Variants in CTAGE1 observed in about 807,000 individuals in gnomAD.
The protein encoded by CTAGE1 is cTAGE family member 2.
For missense variants in CTAGE1, 963 were observed against 855.9 expected (o/e 1.13, Z -1.56); for synonymous variants, 332 against 302.8 (o/e 1.10, Z -1.00).
rs771599949 is a variant in CTAGE1 at position 22,417,339 on chromosome 18, G to C, written c.473C>G (p.Ala158Gly). 6.2e-7 allele frequency: 1 copy of C among 1,613,940 alleles called. No individual in the cohort carries two copies. Among genetic ancestry groups the C allele is most frequent in the Non-Finnish European group, 8.5e-7 (1 of 1,179,854 alleles). ...TCTCTTGAAGGTCATTTTGGCTTCA[G>C]CTACTTGTGATTTGAGGGATTTTGA... ...DESKSLKSQV[A>G]EAKMTFKRFQ... Residue 158 changes from alanine (A) to glycine (G), a missense_variant, in exon 1 of 1, where the codon GCT becomes GGT. Transcript: ENST00000391403.
chr18:22,416,579 A>C lies in CTAGE1; in HGVS notation c.1233T>G (p.Phe411Leu), dbSNP rs201379754. The C allele has an allele frequency of 7.5e-6, 12 of 1,610,080 alleles. No individual in the cohort carries two copies. In the East Asian group the frequency reaches 2.7e-4, roughly 36 times the overall value. ...YRKRAKDLKEFEKTIHFYQKK... is the reference protein window; with the variant it reads ...YRKRAKDLKELEKTIHFYQKK... ...TTTGATAAAAATGAATAGTTTTCTC[A>C]AATTCTTTAAGATCTTTGGCTCGCT... is the stretch of plus-strand genomic sequence containing the variant. Residue 411 changes from phenylalanine to leucine, a missense_variant, in exon 1 of 1, where the codon TTT (phenylalanine) becomes TTG (leucine). Transcript: ENST00000391403.
At position 22,417,862 on chromosome 18, in the gene CTAGE1, C is replaced by A; in HGVS notation, c.-51G>T. ...CTGCGTAGCAACTCCAGGACCAGCC[C>A]CAGGTATGGCTGAGGGTTAGCCCTA... On this transcript the variant is annotated 5_prime_UTR_variant, in exon 1 of 1. Coordinates refer to ENST00000391403, the MANE Select transcript of CTAGE1 (RefSeq NM_172241.3). The A allele has an allele frequency of 6.3e-7, 1 of 1,581,870 alleles. No homozygotes were observed. Among genetic ancestry groups the A allele is most frequent in the Non-Finnish European group, 8.7e-7 (1 of 1,151,220 alleles).
At position 22,413,638 on chromosome 18, in the gene CTAGE1, T is replaced by G. The variant is rs187294777; in HGVS notation, c.*1936A>C. On this transcript the variant is annotated 3_prime_UTR_variant, in exon 1 of 1. Coordinates refer to ENST00000391403, the MANE Select transcript of CTAGE1 (RefSeq NM_172241.3). ...TATTCACTCTTTATTATTTCAACTT[T>G]CTTTTTAGTTTATTAGGTTCATGGA... is the stretch of plus-strand genomic sequence containing the variant. 2.0e-5 allele frequency: 3 copies of G among 152,362 alleles called. No homozygotes were observed. The highest frequency in any genetic ancestry group is 1.3e-4 in the Admixed American group (2 of 15,308). 9.4% of individuals were successfully genotyped at this position (152,362 alleles called of 1,614,324 possible).
chr18:22,414,103 A>T lies in CTAGE1; in HGVS notation c.*1471T>A, dbSNP rs748249309. ...AATAATACATGTCTTTTCTGATTAGAAGTTCTTCCTTGATACCTTGGATAA... is the reference window on the plus strand; with the variant it reads ...AATAATACATGTCTTTTCTGATTAGTAGTTCTTCCTTGATACCTTGGATAA... On this transcript the variant is annotated 3_prime_UTR_variant, in exon 1 of 1. Transcript: ENST00000391403. 4 of 152,208 alleles carry T rather than the reference A, an allele frequency of 2.6e-5. No individual in the cohort carries two copies. The highest frequency in any genetic ancestry group is 5.9e-5 in the Non-Finnish European group (4 of 68,054). The allele number at this position is 152,208 out of a possible 1,614,324, so 9.4% of individuals were successfully genotyped here.
In CTAGE1 at chr18:22,414,960, TA is replaced by T; in HGVS notation, c.*613del. On this transcript the variant is annotated 3_prime_UTR_variant, in exon 1 of 1. Transcript: ENST00000391403. ...CGAATACTTTCTGCTATAAATGTTTTACACTCTCAAAGTACTGAAAGAGGAT... is the reference window on the plus strand; with the variant it reads ...CGAATACTTTCTGCTATAAATGTTTTCACTCTCAAAGTACTGAAAGAGGAT... The T allele has an allele frequency of 1.6e-6, 1 of 613,000 alleles. No homozygotes were observed. Among genetic ancestry groups the T allele is most frequent in the East Asian group, 2.7e-5 (1 of 36,648 alleles). 38.0% of individuals were successfully genotyped at this position (613,000 alleles called of 1,614,324 possible).
In CTAGE1 at chr18:22,416,765, C is replaced by G; in HGVS notation, c.1047G>C (p.Gln349His). The change falls in exon 1 of 1, where the codon CAG becomes CAC. Residue 349 changes from glutamine (Q) to histidine (H), a missense_variant. Transcript: ENST00000391403. ...ATTCAGTCATTACTTTAAGTTTCTG[C>G]TGAAGCTTCTGATTCTCACTTTCAA... Reference protein sequence around the residue: ...THFESENQKLQQKLKVMTELY... With the variant: ...THFESENQKLHQKLKVMTELY... The G allele has an allele frequency of 1.2e-6, 2 of 1,612,408 alleles. No individual in the cohort carries two copies. The highest frequency in any genetic ancestry group is 1.7e-6 in the Non-Finnish European group (2 of 1,179,730).
In CTAGE1 at chr18:22,415,690, C is replaced by T. The variant is rs992707715; in HGVS notation, c.2122G>A (p.Asp708Asn). The T allele has an allele frequency of 3.7e-6, 6 of 1,613,908 alleles. No individual in the cohort carries two copies. Among genetic ancestry groups the T allele is most frequent in the Non-Finnish European group, 5.1e-6 (6 of 1,180,042 alleles). The change falls in exon 1 of 1, where the codon GAT (aspartate) becomes AAT (asparagine). Residue 708 changes from aspartate to asparagine, a missense_variant. Transcript: ENST00000391403. Reference sequence around the variant, plus strand: ...GGAGCACGTGGTGGACCTGGGACATCCCTTGGAGAAAAATAATCTGGAGAA... The same window carrying T: ...GGAGCACGTGGTGGACCTGGGACATTCCTTGGAGAAAAATAATCTGGAGAA... ...GASPDYFSPR[D>N]VPGPPRAPFA...
chr18:22,415,623 G>A lies in CTAGE1; in HGVS notation c.2189C>T (p.Pro730Leu). The A allele has an allele frequency of 6.2e-7, 1 of 1,613,890 alleles. No individual in the cohort carries two copies. The highest frequency in any genetic ancestry group is 8.5e-7 in the Non-Finnish European group (1 of 1,179,876). The change falls in exon 1 of 1, where the codon CCT becomes CTT. Residue 730 changes from proline to leucine, a missense_variant. Coordinates refer to ENST00000391403, the MANE Select transcript of CTAGE1 (RefSeq NM_172241.3). ...AAATGCAGGTCTTGGGGGACGGTAA[G>A]GAAGAAAACCTCTCGGTAAATAGAC... ...RNVYLPRGFL[P>L]YRPPRPAFFP...
At position 22,417,874 on chromosome 18, in the gene CTAGE1, G is replaced by T; in HGVS notation, c.-63C>A. Reference sequence around the variant, plus strand: ...TCCAGGACCAGCCCCAGGTATGGCTGAGGGTTAGCCCTAGGCTCCTCCGTA... The same window carrying T: ...TCCAGGACCAGCCCCAGGTATGGCTTAGGGTTAGCCCTAGGCTCCTCCGTA... On this transcript the variant is annotated 5_prime_UTR_variant, in exon 1 of 1. Transcript: ENST00000391403. 1 of 1,540,140 alleles carries T rather than the reference G, an allele frequency of 6.5e-7. No homozygotes were observed. The highest frequency in any genetic ancestry group is 9.0e-7 in the Non-Finnish European group (1 of 1,113,866).
Position 22,417,492 on chromosome 18 carries a change from A to G in CTAGE1, c.320T>C (p.Phe107Ser). 1 of 1,613,976 alleles carries G rather than the reference A, an allele frequency of 6.2e-7. No homozygotes were observed. The highest frequency in any genetic ancestry group is 8.5e-7 in the Non-Finnish European group (1 of 1,179,860). Reference sequence around the variant, plus strand: ...TATTTCATGCACAAGTTCAGAATTGAACCTGTTCAGCTTTTCGCAGGTTGC... The same window carrying G: ...TATTTCATGCACAAGTTCAGAATTGGACCTGTTCAGCTTTTCGCAGGTTGC... ...LEATCEKLNR[F>S]NSELVHEILC... Residue 107 changes from phenylalanine (F) to serine (S), a missense_variant, in exon 1 of 1, where the codon TTC becomes TCC. Phe to Ser is a radical substitution (Grantham distance 155). Coordinates refer to ENST00000391403, the MANE Select transcript of CTAGE1 (RefSeq NM_172241.3).
rs776842599 is a variant in CTAGE1 at position 22,416,708 on chromosome 18, C to T, written c.1104G>A (p.Arg368=). The change falls in exon 1 of 1, where the codon AGG becomes AGA. Residue 368 remains arginine, a synonymous_variant. Coordinates refer to ENST00000391403, the MANE Select transcript of CTAGE1 (RefSeq NM_172241.3). ...LYQENEMKLY[R]KLIVEEKCRL... ...GGCATTTTTCCTCTACTATTAATTT[C>T]CTGTAGAGTTTCATTTCATTTTCTT... 1.2e-6 allele frequency: 2 copies of T among 1,612,958 alleles called. No homozygotes were observed. Among genetic ancestry groups the T allele is most frequent in the South Asian group, 2.2e-5 (2 of 90,638 alleles).
rs1217066599 is a variant in CTAGE1 at position 22,413,816 on chromosome 18, C to T, written c.*1758G>A. 6.6e-6 allele frequency: 1 copy of T among 152,088 alleles called. No homozygotes were observed. Among genetic ancestry groups the T allele is most frequent in the Non-Finnish European group, 1.5e-5 (1 of 68,008 alleles). 9.4% of individuals were successfully genotyped at this position (152,088 alleles called of 1,614,324 possible). On this transcript the variant is annotated 3_prime_UTR_variant, in exon 1 of 1. Transcript: ENST00000391403. Reference sequence around the variant, plus strand: ...AAGTAGACACAAAGAGATGACAATACCTGTTTCATACTGAACCTAATGAAA... The same window carrying T: ...AAGTAGACACAAAGAGATGACAATATCTGTTTCATACTGAACCTAATGAAA...
rs940499765 is a variant in CTAGE1, at chr18:22,414,475, C to G, written c.*1099G>C. 9 of 572,946 alleles carry G rather than the reference C, an allele frequency of 1.6e-5. No homozygotes were observed. The highest frequency in any genetic ancestry group is 3.8e-5 in the African/African-American group (2 of 53,210). 35.5% of individuals were successfully genotyped at this position (572,946 alleles called of 1,614,324 possible). ...TTTTAAAAGTGAGGGCAGGTTGTCCCCAAAAGAAGCAATGGCTTGGTGGCC... is the reference window on the plus strand; with the variant it reads ...TTTTAAAAGTGAGGGCAGGTTGTCCGCAAAAGAAGCAATGGCTTGGTGGCC... On this transcript the variant is annotated 3_prime_UTR_variant, in exon 1 of 1. Coordinates refer to ENST00000391403, the MANE Select transcript of CTAGE1 (RefSeq NM_172241.3).
At position 22,414,761 on chromosome 18, in the gene CTAGE1, G is replaced by C. The variant is rs1193518193; in HGVS notation, c.*813C>G. On this transcript the variant is annotated 3_prime_UTR_variant, in exon 1 of 1. Coordinates refer to ENST00000391403, the MANE Select transcript of CTAGE1 (RefSeq NM_172241.3). ...AGAAACTGATCTATATAATTCTGGG[G>C]CAAGTAAAAGTTCTGGATAAAGTTG... 2.8e-6 allele frequency: 2 copies of C among 702,780 alleles called. No individual in the cohort carries two copies. The highest frequency in any genetic ancestry group is 5.2e-6 in the Non-Finnish European group (2 of 385,008). The allele number at this position is 702,780 out of a possible 1,614,324, so 43.5% of individuals were successfully genotyped here.
rs756939737 is a variant in CTAGE1 at position 22,417,127 on chromosome 18, C to A, written c.685G>T (p.Asp229Tyr). The A allele has an allele frequency of 6.2e-7, 1 of 1,613,854 alleles. No individual in the cohort carries two copies. The highest frequency in any genetic ancestry group is 1.1e-5 in the South Asian group (1 of 91,070). The change falls in exon 1 of 1, where the codon GAT becomes TAT. Residue 229 changes from aspartate (D) to tyrosine (Y), a missense_variant. Coordinates refer to ENST00000391403, the MANE Select transcript of CTAGE1 (RefSeq NM_172241.3). The stretch of plus-strand genomic sequence containing the variant: ...AGAGTCTTGATGTGATTTTCTTTAT[C>A]ATTTAGAACTTGTTCTGCATGTACT... ...SKVHAEQVLNDKENHIKTLTE... is the reference protein window; with the variant it reads ...SKVHAEQVLNYKENHIKTLTE...
rs2035013511 is a variant in CTAGE1, at chr18:22,416,233, C to T, written c.1579G>A (p.Gly527Ser). The change falls in exon 1 of 1, where the codon GGC (glycine) becomes AGC (serine). Residue 527 changes from glycine (G) to serine (S), a missense_variant. By Grantham distance (56) the Gly-to-Ser change is moderately conservative (BLOSUM62 0). Coordinates refer to ENST00000391403, the MANE Select transcript of CTAGE1 (RefSeq NM_172241.3). ...GGAGGATTCCCTGGGCCTCTGGAGCCTCTTCCTCCTCCCCGTGGAAGCAAA... is the reference window on the plus strand; with the variant it reads ...GGAGGATTCCCTGGGCCTCTGGAGCTTCTTCCTCCTCCCCGTGGAAGCAAA... ...SPLLPRGGGR[G>S]SRGPGNPPDH... is the part of the protein sequence containing the mutation. 6.8e-6 allele frequency: 11 copies of T among 1,613,920 alleles called. No homozygotes were observed. The highest frequency in any genetic ancestry group is 7.6e-6 in the Non-Finnish European group (9 of 1,179,868).
Position 22,417,490 on chromosome 18 carries a change from T to G in CTAGE1, c.322A>C (p.Asn108His). Reference sequence around the variant, plus strand: ...AGTATTTCATGCACAAGTTCAGAATTGAACCTGTTCAGCTTTTCGCAGGTT... The same window carrying G: ...AGTATTTCATGCACAAGTTCAGAATGGAACCTGTTCAGCTTTTCGCAGGTT... ...EATCEKLNRF[N>H]SELVHEILCL... The change falls in exon 1 of 1, where the codon AAT (asparagine) becomes CAT (histidine). Residue 108 changes from asparagine (N) to histidine (H), a missense_variant. Asn to His is a moderately conservative substitution (Grantham distance 68). Transcript: ENST00000391403. The G allele has an allele frequency of 1.2e-6, 2 of 1,614,036 alleles. No homozygotes were observed. The highest frequency in any genetic ancestry group is 1.7e-6 in the Non-Finnish European group (2 of 1,179,876).
rs200063482 is a variant in CTAGE1, at chr18:22,417,378, G to T, written c.434C>A (p.Ser145Ter). The T allele has an allele frequency of 6.2e-7, 1 of 1,613,916 alleles. No homozygotes were observed. The highest frequency in any genetic ancestry group is 1.3e-5 in the African/African-American group (1 of 75,020). ...LMADISKRIQ[S>*]LEDESKSLKS... ...GAGGGATTTTGACTCATCTTCTAGC[G>T]ACTGTATCCTTTTGGAAATATCCGC... The change falls in exon 1 of 1, where the codon TCG becomes TAG. Residue 145 changes from serine to a stop codon, truncating the protein, a stop_gained. Coordinates refer to ENST00000391403, the MANE Select transcript of CTAGE1 (RefSeq NM_172241.3). LOFTEE classifies it low-confidence loss of function (END_TRUNC).
chr18:22,416,029 T>C lies in CTAGE1; in HGVS notation c.1783A>G (p.Arg595Gly), dbSNP rs372181117. The C allele has an allele frequency of 2.7e-5, 43 of 1,613,848 alleles. No homozygotes were observed. In the African/African-American group the frequency reaches 4.1e-4, roughly 16 times the overall value. Reference protein sequence around the residue: ...DSALPPQRQDRFYSNCARLSG... With the variant: ...DSALPPQRQDGFYSNCARLSG... ...AGTCTAGCACAATTAGAATAAAATCTGTCTTGCCTTTGTGGAGGGAGAGCT... is the reference window on the plus strand; with the variant it reads ...AGTCTAGCACAATTAGAATAAAATCCGTCTTGCCTTTGTGGAGGGAGAGCT... Residue 595 changes from arginine (R) to glycine (G), a missense_variant, in exon 1 of 1, where the codon AGA (arginine) becomes GGA (glycine). Transcript: ENST00000391403.
Sources: allele counts gnomAD v4.1 joint callset, GRCh38; gene constraint gnomAD v4.1.1; transcripts MANE v1.5; gene names NCBI Gene and HGNC (gene_info 2026-07-23, HGNC 2026-07-21).